Variants in ITGAV observed in about 807,000 individuals in gnomAD.
The protein encoded by ITGAV is integrin alpha-V.
A neutral mutation model predicts 143.8 loss-of-function variants in ITGAV; 76 were observed. That is an observed-to-expected ratio of 0.53 (90% CI 0.44 to 0.64). ITGAV has a LOEUF of 0.64. Ranked by LOEUF, ITGAV falls within the 30% of genes least tolerant of loss-of-function variation. ITGAV has a pLI of 0.00. For missense variants in ITGAV, 1,193 were observed against 1,274.7 expected (o/e 0.94, Z 0.98); for synonymous variants, 453 against 446.7 (o/e 1.01, Z -0.18).
chr2:186,590,711 A>G (rs978862917), intron 1 of ITGAV, among the ~76,000 whole-genome samples, 188 bp downstream of exon 1: 2 of 152,328 alleles, frequency 1.3e-5, no homozygotes, highest in African/African-American at 2.4e-5. Context: ...TTTGGTACCC[A>G]TCACCCAGTT....
rs1689256430 is a variant in ITGAV at position 186,677,808 on chromosome 2, C to G, written c.*516C>G. Reference sequence around the variant, plus strand: ...GCATGAACTTGGATTTTTTTAATCACTCATATGGTAGAATTTTATAAACAC... The same window carrying G: ...GCATGAACTTGGATTTTTTTAATCAGTCATATGGTAGAATTTTATAAACAC... On this transcript the variant is annotated 3_prime_UTR_variant, in exon 30 of 30. Transcript: ENST00000261023. The G allele has an allele frequency of 6.5e-6, 1 of 152,704 alleles. No homozygotes were observed. The allele number at this position is 152,704 out of a possible 1,614,324, so 9.5% of individuals were successfully genotyped here.
chr2:186,590,308 C>A lies in ITGAV; in HGVS notation c.-31C>A, dbSNP rs952604454. 1.8e-5 allele frequency: 28 copies of A among 1,526,994 alleles called. No homozygotes were observed. The highest frequency in any genetic ancestry group is 2.3e-5 in the Non-Finnish European group (26 of 1,140,472). 94.6% of individuals were successfully genotyped at this position (1,526,994 alleles called of 1,614,324 possible). On this transcript the variant is annotated 5_prime_UTR_variant, in exon 1 of 30. Transcript: ENST00000261023. ...GGGGCGGGGGGAGGTGGCTACCGCTCCCGGCTTGGCGTCCCGCGCGCACTT... is the reference window on the plus strand; with the variant it reads ...GGGGCGGGGGGAGGTGGCTACCGCTACCGGCTTGGCGTCCCGCGCGCACTT...
At position 186,667,152 on chromosome 2, in the gene ITGAV, C is replaced by A; in HGVS notation, c.2249C>A (p.Ser750Ter). 2 of 1,596,842 alleles carry A rather than the reference C, an allele frequency of 1.3e-6. No homozygotes were observed. The highest frequency in any genetic ancestry group is 2.3e-5 in the South Asian group (2 of 87,868). Residue 750 changes from serine to a stop codon, truncating the protein, a stop_gained and splice_region_variant, in exon 23 of 30, where the codon TCA (serine) becomes TAA (stop). Coordinates refer to ENST00000261023, the MANE Select transcript of ITGAV (RefSeq NM_002210.5). LOFTEE classifies it high-confidence loss of function. ...SVKFDLQIQSSNLFDKVSPVV... is the reference protein window; with the variant it reads ...SVKFDLQIQS ...AAGTTTTTTTTTTTCTTTTTCAGCT[C>A]AAATCTATTTGACAAAGTAAGCCCA...
At chr2:186,612,291 A>G (rs767924249) in intron 2 of ITGAV, among the ~76,000 whole-genome samples, 4 of 152,086 alleles carry the variant, frequency 2.6e-5, no homozygotes, top group Non-Finnish European at 5.9e-5. Context: ...CTGCTAATGT[A>G]CATTGAGAAA....
chr2:186,621,909 G>A (rs1687536075), intron 2 of ITGAV, among the ~76,000 whole-genome samples: 1 of 151,998 alleles, frequency 6.6e-6, no homozygotes, highest in African/African-American at 2.4e-5. Flanking sequence ...TATGTCTTAG[G>A]CACACGTCTC....
intron 13 of ITGAV, among the ~76,000 whole-genome samples, chr2:186,647,695 C>G (rs978214027): frequency 4.6e-5 from 7 of 152,104 alleles, no homozygotes; most frequent in African/African-American, 1.7e-4. Context: ...CTGCATAGGT[C>G]CAGTAGAGCA....
intron 5 of ITGAV, among the ~76,000 whole-genome samples, chr2:186,631,112 A>G (rs906679868): frequency 5.3e-5 from 8 of 152,200 alleles, no homozygotes; most frequent in Admixed American, 5.2e-4. Flanking sequence ...TCTCCTCAGT[A>G]AATGATAGGT....
At chr2:186,619,159 C>G (rs1340279860) in intron 2 of ITGAV, among the ~76,000 whole-genome samples, 1 of 150,338 alleles carries the variant, frequency 6.7e-6, no homozygotes, top group Non-Finnish European at 1.5e-5. Flanking sequence ...TGTCTCCTGT[C>G]TGTGTTCAGG....
chr2:186,658,518 A>G (rs1688650729), intron 17 of ITGAV, among the ~76,000 whole-genome samples: 1 of 152,134 alleles, frequency 6.6e-6, no homozygotes, highest in African/African-American at 2.4e-5. Context: ...AAAACCCATA[A>G]ACAATCAAAA....
intron 14 of ITGAV, 58 bp from the exon 15 acceptor site, chr2:186,651,924 A>C: frequency 9.9e-7 from 1 of 1,005,214 alleles, no homozygotes; most frequent in Non-Finnish European, 1.5e-6. Flanking sequence ...AAAATATTTC[A>C]ATCAACCTAA....
intron 2 of ITGAV, 123 bp downstream of exon 2, chr2:186,602,274 AAATT>A (rs1489615666): frequency 6.2e-6 from 4 of 649,794 alleles, no homozygotes; most frequent in Non-Finnish European, 9.8e-6. Context: ...TTCACAGGGA[AAATT>A]ATATAAAGAC....
intron 15 of ITGAV, among the ~76,000 whole-genome samples, chr2:186,653,359 G>C (rs1356276736): frequency 6.6e-6 from 1 of 152,012 alleles, no homozygotes; most frequent in Non-Finnish European, 1.5e-5. Context: ...AAATCACCAT[G>C]AGTAGTCATT....
rs528629011 is a variant in ITGAV at position 186,631,082 on chromosome 2, G to A, written c.585+224G>A. On this transcript the variant is annotated intron_variant, in intron 5 of 29. Transcript: ENST00000261023. ...AGGGAGACATCCCCCATCACTCTGG[G>A]AATGGAGGAAAGTAGACACTCTCCT... is the stretch of plus-strand genomic sequence containing the variant. Among the ~76,000 whole-genome samples, 22 of 152,212 alleles carry A rather than the reference G, an allele frequency of 1.4e-4. No homozygotes were observed. In the South Asian group the frequency reaches 2.5e-3, roughly 17 times the overall value.
At chr2:186,673,401 C>T (rs929125432) in intron 26 of ITGAV, among the ~76,000 whole-genome samples, 3 of 152,062 alleles carry the variant, frequency 2.0e-5, no homozygotes, top group Admixed American at 6.5e-5. Context: ...GAGTCCCTTG[C>T]GATTCCATGT....
chr2:186,644,613 C>T (rs985461389), intron 12 of ITGAV, among the ~76,000 whole-genome samples: 2 of 151,960 alleles, frequency 1.3e-5, no homozygotes, highest in South Asian at 2.1e-4. Flanking sequence ...CGTGAGCCAC[C>T]GTGCCCAGCC....
chr2:186,634,038 T>TATAAA (rs1344371612), intron 6 of ITGAV, among the ~76,000 whole-genome samples: 1 of 151,992 alleles, frequency 6.6e-6, no homozygotes, highest in Non-Finnish European at 1.5e-5. Context: ...AAAAAATATA[T>TATAAA]ATAAAATAAA....
At chr2:186,667,024 A>G in intron 22 of ITGAV, 126 bp from the exon 23 acceptor site, 2 of 589,306 alleles carry the variant, frequency 3.4e-6, no homozygotes, top group South Asian at 6.7e-5. Flanking sequence ...TAATGAAAAT[A>G]ACTATTTTGA....
intron 23 of ITGAV, 61 bp from the exon 24 acceptor site, chr2:186,667,610 G>T: frequency 1.2e-6 from 1 of 859,726 alleles, no homozygotes; most frequent in South Asian, 2.0e-5. Flanking sequence ...GGGTACTTTT[G>T]AAAATGAACT....
chr2:186,652,199 T>G, intron 15 of ITGAV, 110 bp downstream of exon 15: 5 of 682,458 alleles, frequency 7.3e-6, no homozygotes, highest in Non-Finnish European at 1.3e-5. Flanking sequence ...ACAGTTTCTG[T>G]GAGTATACTG....
Sources: gnomAD v4.1 joint callset for allele counts (sites outside exome capture counted in the v4.1 genomes callset) on GRCh38, gnomAD v4.1.1 for gene constraint, MANE v1.5 for transcripts, NCBI Gene and HGNC (gene_info 2026-07-23, HGNC 2026-07-21) for gene names.